Variants in HERC2 observed in about 807,000 individuals in gnomAD.
HERC2 encodes E3 ubiquitin-protein ligase HERC2.
A neutral mutation model predicts 537.7 loss-of-function variants in HERC2; 102 were observed. The ratio of observed to expected loss-of-function variants is 0.19; its 90% CI spans 0.16 to 0.22. The LOEUF (loss-of-function observed/expected upper bound fraction) is 0.22. Among genes scored for constraint, HERC2 ranks in the 10% least tolerant of loss-of-function variants. The probability of loss-of-function intolerance (pLI) is 1.00; values close to 1 mark genes in which losing one functional copy is unlikely to be tolerated. For missense variants in HERC2, 4,236 were observed against 6,198.2 expected (o/e 0.68, Z 10.63); for synonymous variants, 2,224 against 2,466.2 (o/e 0.90, Z 2.91).
intron 44 of HERC2, among the ~76,000 whole-genome samples, 189 bp from the exon 45 acceptor site, chr15:28,206,571 C>A (rs541911381): frequency 1.3e-5 from 2 of 151,544 alleles, no homozygotes; most frequent in African/African-American, 2.4e-5. Flanking sequence ...CGGTGGCTCA[C>A]GCGTGTAATC....
intron 4 of HERC2, among the ~76,000 whole-genome samples, chr15:28,284,966 A>C (rs1392782843): frequency 6.6e-6 from 1 of 151,186 alleles, no homozygotes; most frequent in African/African-American, 2.4e-5. Context: ...TACCAGGAAC[A>C]GATGGCAACA....
At chr15:28,240,383 A>G (rs59603405) in intron 23 of HERC2, among the ~76,000 whole-genome samples, 8,914 of 152,288 alleles carry the variant, frequency 0.059, 912 homozygotes, top group African/African-American at 0.21. Flanking sequence ...ACGTCACTAC[A>G]CTCCCGCCTG....
At chr15:28,258,347 C>G (rs1257953469) in intron 16 of HERC2, among the ~76,000 whole-genome samples, 1 of 152,016 alleles carries the variant, frequency 6.6e-6, no homozygotes, top group Non-Finnish European at 1.5e-5. Context: ...TGGTGCATGC[C>G]GGTAGTCCCA....
intron 3 of HERC2, among the ~76,000 whole-genome samples, chr15:28,297,296 T>C (rs917725602): frequency 6.6e-6 from 1 of 152,098 alleles, no homozygotes; most frequent in African/African-American, 2.4e-5. Flanking sequence ...ATTAGACTTT[T>C]GTCATCTCCC....
At chr15:28,217,538 C>T (rs1221285297) in intron 38 of HERC2, among the ~76,000 whole-genome samples, 1 of 152,194 alleles carries the variant, frequency 6.6e-6, no homozygotes, top group African/African-American at 2.4e-5. Flanking sequence ...CTCGCAGTCA[C>T]ATGCACACTC....
At chr15:28,283,032 CAAAAAAAAAAAAAAAAA>C (rs35092122) in intron 4 of HERC2, among the ~76,000 whole-genome samples, 23 of 47,432 alleles carry the variant, frequency 4.8e-4, no homozygotes, top group African/African-American at 1.8e-3. Context: ...AATGTCCCAG[CAAAAAAAAAAAAAAAAA>C]AAAAAAAAAA....
At chr15:28,120,844 C>T (rs758053461) in intron 86 of HERC2, among the ~76,000 whole-genome samples, 12 of 152,216 alleles carry the variant, frequency 7.9e-5, no homozygotes, top group Non-Finnish European at 1.6e-4. Context: ...GGCACGGCCC[C>T]CCAGCACCAT....
intron 2 of HERC2, among the ~76,000 whole-genome samples, chr15:28,300,054 A>C (rs1466014221): frequency 2.0e-5 from 3 of 146,618 alleles, no homozygotes; most frequent in African/African-American, 7.6e-5. Flanking sequence ...CTCGGTGTTA[A>C]AAAAAAAAAA....
rs1415903215 is a variant in HERC2 at position 28,196,659 on chromosome 15, T to C, written c.8012-90A>G. 3 of 685,750 alleles carry C rather than the reference T, an allele frequency of 4.4e-6. 1 individual carries two copies. The highest frequency in any genetic ancestry group is 3.7e-5 in the South Asian group (2 of 54,416). 42.5% of individuals were successfully genotyped at this position (685,750 alleles called of 1,614,324 possible). Reference sequence around the variant, plus strand: ...CTGCACCTAGCCATGTCATACTACATTGTAGTTATTTGTTTTTTACAAAGA... The same window carrying C: ...CTGCACCTAGCCATGTCATACTACACTGTAGTTATTTGTTTTTTACAAAGA... On this transcript the variant is annotated intron_variant, in intron 50 of 92. Coordinates refer to ENST00000261609, the MANE Select transcript of HERC2 (RefSeq NM_004667.6).
At chr15:28,249,087 T>G (rs971360943) in intron 20 of HERC2, among the ~76,000 whole-genome samples, 5 of 152,202 alleles carry the variant, frequency 3.3e-5, no homozygotes, top group African/African-American at 1.2e-4. Flanking sequence ...ACAACGAAAT[T>G]TAAAATACTG....
At chr15:28,162,719 C>T (rs957460439) in intron 69 of HERC2, among the ~76,000 whole-genome samples, 6 of 152,002 alleles carry the variant, frequency 3.9e-5, no homozygotes, top group South Asian at 4.2e-4. Flanking sequence ...AAAACCCCGA[C>T]TCTACTAAAA....
intron 1 of HERC2, 50 bp downstream of exon 1, chr15:28,322,025 G>A (rs1174759475): frequency 6.7e-4 from 60 of 89,856 alleles, no homozygotes; most frequent in Admixed American, 4.1e-3. Flanking sequence ...CGCCAGCCCC[G>A]CGCCCGTACC....
intron 48 of HERC2, among the ~76,000 whole-genome samples, chr15:28,199,285 T>C (rs1162636907): frequency 1.3e-5 from 2 of 152,184 alleles, no homozygotes; most frequent in African/African-American, 4.8e-5. Flanking sequence ...CTGGATCAAC[T>C]TGTGTCATAA....
At chr15:28,246,534 C>T (rs1218226095) in intron 22 of HERC2, among the ~76,000 whole-genome samples, 2 of 151,782 alleles carry the variant, frequency 1.3e-5, no homozygotes, top group African/African-American at 4.8e-5. Context: ...ATCTAAATTA[C>T]CAATTACATT....
At chr15:28,247,258 G>C (rs1246907489) in intron 21 of HERC2, among the ~76,000 whole-genome samples, 2 of 151,836 alleles carry the variant, frequency 1.3e-5, no homozygotes, top group African/African-American at 4.8e-5. Context: ...AGCCTCCTGA[G>C]TAGTTAGATC....
At chr15:28,241,918 C>A (rs1903167633) in intron 23 of HERC2, among the ~76,000 whole-genome samples, 1 of 152,148 alleles carries the variant, frequency 6.6e-6, no homozygotes, top group South Asian at 2.1e-4. Context: ...ATGGAAACAA[C>A]CCAAATGTCA....
intron 12 of HERC2, among the ~76,000 whole-genome samples, chr15:28,267,146 C>T (rs2075590284): frequency 6.6e-6 from 1 of 152,154 alleles, no homozygotes; most frequent in Non-Finnish European, 1.5e-5. Context: ...AGAAGCCAGG[C>T]CTCTCCTTTA....
At chr15:28,187,048 TC>T (rs1281357762) in intron 55 of HERC2, among the ~76,000 whole-genome samples, 3 of 152,160 alleles carry the variant, frequency 2.0e-5, no homozygotes, top group African/African-American at 7.2e-5. Flanking sequence ...TGCAAACTCT[TC>T]CGTCTTAGAG....
At chr15:28,253,948 C>CGAG (rs2075168918) in intron 20 of HERC2, among the ~76,000 whole-genome samples, 1 of 149,894 alleles carries the variant, frequency 6.7e-6, no homozygotes, top group Non-Finnish European at 1.5e-5. Context: ...GGCAATAGAG[C>CGAG]GAGATTCCGT....
Sources: gnomAD v4.1 joint callset for allele counts (sites outside exome capture counted in the v4.1 genomes callset) on GRCh38, gnomAD v4.1.1 for gene constraint, MANE v1.5 for transcripts, NCBI Gene and HGNC (gene_info 2026-07-23, HGNC 2026-07-21) for gene names.